The following TBC1D19 variants were observed in gnomAD, a reference collection of about 807,000 sequenced individuals.
TBC1D19 encodes the protein TBC1 domain family member 19, also known as TBC1 domain family, member 19.
A neutral mutation model predicts 89.0 loss-of-function variants in TBC1D19; 60 were observed. That is an observed-to-expected ratio of 0.67 (90% confidence interval 0.55 to 0.84). The LOEUF (loss-of-function observed/expected upper bound fraction) is 0.84. Ranked by LOEUF, TBC1D19 falls within the 40% of genes least tolerant of loss-of-function variation. The probability of loss-of-function intolerance (pLI) is 0.00; values close to 1 mark genes in which losing one functional copy is unlikely to be tolerated. For missense variants in TBC1D19, 500 were observed against 610.8 expected, an observed-to-expected ratio of 0.82 and a Z score of 1.91; for synonymous variants, 189 against 199.7, an observed-to-expected ratio of 0.95 and a Z score of 0.45.
At chr4:26,651,851 G>T (rs1744412218) in intron 7 of TBC1D19, among the ~76,000 whole-genome samples, 1 of 152,114 alleles carries the variant, frequency 6.6e-6, no homozygotes, top group African/African-American at 2.4e-5. Flanking sequence ...CTGTGGGTTT[G>T]TCATAGATAG....
chr4:26,717,978 G>A lies in TBC1D19; in HGVS notation c.1000G>A (p.Ala334Thr). 6.2e-7 allele frequency: 1 copy of A among 1,611,784 alleles called. No homozygotes were observed. The highest frequency in any genetic ancestry group is 1.1e-5 in the South Asian group (1 of 90,876). Residue 334 changes from alanine to threonine, a missense_variant, in exon 14 of 21, where the codon GCA becomes ACA. Coordinates refer to ENST00000264866, the MANE Select transcript of TBC1D19 (RefSeq NM_018317.4). ...SRDTSVLSHF[A>T]FNSASPPKSY... ...GGATACATCTGTGTTGAGTCACTTT[G>A]CATTCAACAGTGCCTCGCCACCAAA...
intron 7 of TBC1D19, among the ~76,000 whole-genome samples, chr4:26,641,312 C>T (rs1202260354): frequency 6.6e-6 from 1 of 152,222 alleles, no homozygotes; most frequent in African/African-American, 2.4e-5. Flanking sequence ...CAGCAAACTC[C>T]AACAGACCTG....
chr4:26,783,715 G>C, the TBC1D19 span, among the ~76,000 whole-genome samples: 1 of 152,308 alleles, frequency 6.6e-6, no homozygotes, highest in East Asian at 1.9e-4. Context: ...ATAGCTAGAT[G>C]GGGGAGATAT....
At chr4:26,659,932 G>A (rs1427234231) in intron 8 of TBC1D19, among the ~76,000 whole-genome samples, 1 of 152,102 alleles carries the variant, frequency 6.6e-6, no homozygotes, top group Non-Finnish European at 1.5e-5. Context: ...TGCTTATTTT[G>A]TATTTTAATA....
intron 1 of TBC1D19, among the ~76,000 whole-genome samples, chr4:26,587,657 A>C (rs1306884047): frequency 4.0e-5 from 6 of 149,796 alleles, no homozygotes; most frequent in African/African-American, 1.5e-4. Context: ...CCAGTTAATG[A>C]TGATCTTATA....
chr4:26,614,069 C>G (rs1040429230), intron 2 of TBC1D19, among the ~76,000 whole-genome samples: 1 of 152,154 alleles, frequency 6.6e-6, no homozygotes, highest in Non-Finnish European at 1.5e-5. Context: ...TTGGCACATT[C>G]CTTATAGCTT....
intron 7 of TBC1D19, among the ~76,000 whole-genome samples, chr4:26,645,361 G>A (rs1288825767): frequency 6.6e-6 from 1 of 152,082 alleles, no homozygotes; most frequent in African/African-American, 2.4e-5. Flanking sequence ...CACATCTACA[G>A]CCATCTGAAC....
At chr4:26,851,323 A>ATCTGTCTGTCTG in the TBC1D19 span, among the ~76,000 whole-genome samples, 7 of 141,294 alleles carry the variant, frequency 5.0e-5, no homozygotes, top group African/African-American at 9.4e-5. Flanking sequence ...CTATCTATCT[A>ATCTGTCTGTCTG]TCTATCTATC....
the TBC1D19 span, among the ~76,000 whole-genome samples, chr4:26,821,515 G>A: frequency 1.3e-5 from 2 of 152,238 alleles, no homozygotes; most frequent in Admixed American, 1.3e-4. Context: ...TTGTGTGTTT[G>A]AGGCAGTAAT....
At chr4:26,772,356 C>G in the TBC1D19 span, among the ~76,000 whole-genome samples, 1 of 152,160 alleles carries the variant, frequency 6.6e-6, no homozygotes, top group African/African-American at 2.4e-5. Context: ...GTCACAGACT[C>G]AGGCCCATCT....
At chr4:26,814,792 G>T in the TBC1D19 span, among the ~76,000 whole-genome samples, 1 of 152,164 alleles carries the variant, frequency 6.6e-6, no homozygotes, top group Non-Finnish European at 1.5e-5. Context: ...AACCTGAGGT[G>T]GGCAGATCAC....
intron 15 of TBC1D19, among the ~76,000 whole-genome samples, chr4:26,728,731 T>C (rs1018943491): frequency 2.0e-5 from 3 of 152,146 alleles, no homozygotes; most frequent in Admixed American, 6.5e-5. Context: ...GCCTTACTAT[T>C]GGCCGGGCGT....
chr4:26,786,805 A>G, the TBC1D19 span, among the ~76,000 whole-genome samples: 1 of 145,670 alleles, frequency 6.9e-6, no homozygotes, highest in Non-Finnish European at 1.5e-5. Context: ...GGGTGGGTGG[A>G]AGGATGGAAG....
At chr4:26,771,954 C>G in the TBC1D19 span, among the ~76,000 whole-genome samples, 40 of 152,178 alleles carry the variant, frequency 2.6e-4, no homozygotes, top group Admixed American at 2.1e-3. Flanking sequence ...AACTTTGGTT[C>G]TTCAATGCAG....
At chr4:26,798,358 C>T in the TBC1D19 span, among the ~76,000 whole-genome samples, 1 of 152,166 alleles carries the variant, frequency 6.6e-6, no homozygotes, top group Non-Finnish European at 1.5e-5. Context: ...CAGATACCAT[C>T]TTACACCAGT....
intron 13 of TBC1D19, among the ~76,000 whole-genome samples, chr4:26,689,096 G>A (rs892485881): frequency 6.6e-6 from 1 of 151,874 alleles, no homozygotes; most frequent in Non-Finnish European, 1.5e-5. Flanking sequence ...GTTTGAAAAT[G>A]GTATTGTGGT....
At chr4:26,741,393 T>C (rs1578008105) in intron 17 of TBC1D19, among the ~76,000 whole-genome samples, 1 of 146,134 alleles carries the variant, frequency 6.8e-6, no homozygotes, top group Non-Finnish European at 1.5e-5. Flanking sequence ...AAAAGATTAA[T>C]AATTCTTTTC....
At chr4:26,647,409 A>T (rs1463315161) in intron 7 of TBC1D19, among the ~76,000 whole-genome samples, 1 of 152,194 alleles carries the variant, frequency 6.6e-6, no homozygotes, top group Non-Finnish European at 1.5e-5. Flanking sequence ...TAATCCTATT[A>T]TATTTATCTT....
Position 26,688,393 on chromosome 4 carries a change from G to A in TBC1D19, c.940G>A (p.Asp314Asn). The change falls in exon 13 of 21, where the codon GAT becomes AAT. Residue 314 changes from aspartate to asparagine, a missense_variant. Transcript: ENST00000264866. ...TGATGATTATTATTTTGTATTTGAA[G>A]ATTATTTATATCAGGTAAGTTTAAA... The part of the protein sequence containing the change: ...SNDDYYFVFE[D>N]YLYQVLLCFS... The A allele has an allele frequency of 6.4e-7, 1 of 1,564,502 alleles. No homozygotes were observed. The highest frequency in any genetic ancestry group is 8.7e-7 in the Non-Finnish European group (1 of 1,151,006).
Sources: allele counts gnomAD v4.1 joint callset (sites outside exome capture counted in the v4.1 genomes callset), GRCh38; gene constraint gnomAD v4.1.1; transcripts MANE v1.5; gene names NCBI Gene and HGNC (gene_info 2026-07-23, HGNC 2026-07-21).